Variants in SNX25 observed in about 807,000 individuals in gnomAD.
SNX25 encodes the protein sorting nexin 25, also known as sorting nexin-25.
A neutral mutation model predicts 113.7 loss-of-function variants in SNX25; 62 were observed. The observed-to-expected ratio is 0.55, with a 90% CI of 0.44 to 0.67. SNX25 has a LOEUF of 0.67. Among genes scored for constraint, SNX25 ranks in the 30% least tolerant of loss-of-function variants. SNX25 has a pLI of 0.00. For missense variants in SNX25, 1,014 were observed against 1,161.0 expected (o/e 0.87, Z 1.84); for synonymous variants, 421 against 436.2 (o/e 0.97, Z 0.43).
At chr4:185,285,168 A>G (rs1751171032) in intron 5 of SNX25, among the ~76,000 whole-genome samples, 1 of 152,208 alleles carries the variant, frequency 6.6e-6, no homozygotes, top group South Asian at 2.1e-4. Context: ...ATAGATACAT[A>G]TCTGCAATCA....
chr4:185,233,544 A>G (rs1742165894), intron 1 of SNX25, among the ~76,000 whole-genome samples: 1 of 152,108 alleles, frequency 6.6e-6, no homozygotes, highest in Admixed American at 6.5e-5. Context: ...GAAATGCAAA[A>G]ATTATTGTCA....
At chr4:185,249,622 CT>C (rs555434000) in intron 2 of SNX25, among the ~76,000 whole-genome samples, 60 of 152,062 alleles carry the variant, frequency 3.9e-4, no homozygotes, top group African/African-American at 1.3e-3. Flanking sequence ...ATTTACCAAT[CT>C]TTTTTTCCTC....
At chr4:185,362,797 T>A in intron 18 of SNX25, 86 bp downstream of exon 18, 1 of 932,848 alleles carries the variant, frequency 1.1e-6, no homozygotes, top group Non-Finnish European at 1.7e-6. Context: ...CCCCAGTGGC[T>A]GCAGCACTCT....
intron 6 of SNX25, among the ~76,000 whole-genome samples, chr4:185,296,215 A>T (rs1752816422): frequency 6.6e-6 from 1 of 152,122 alleles, no homozygotes; most frequent in Admixed American, 6.6e-5. Flanking sequence ...CCACCTGATA[A>T]TACTGTAGGG....
At chr4:185,265,281 T>C (rs370641480) in intron 4 of SNX25, among the ~76,000 whole-genome samples, 1 of 152,148 alleles carries the variant, frequency 6.6e-6, no homozygotes, top group Admixed American at 6.5e-5. Flanking sequence ...TATCATAGAG[T>C]GTACTTACAC....
intron 6 of SNX25, among the ~76,000 whole-genome samples, chr4:185,289,774 T>G (rs976581864): frequency 7.9e-5 from 12 of 152,216 alleles, no homozygotes; most frequent in Non-Finnish European, 1.8e-4. Context: ...TGTGCTGCCT[T>G]GCCACTGTAA....
chr4:185,353,645 TG>T (rs2095326166), intron 15 of SNX25, 43 bp downstream of exon 15: 1 of 1,434,344 alleles, frequency 7.0e-7, no homozygotes. Context: ...GCTAGTTAAG[TG>T]GTATATATAA....
chr4:185,337,048 G>T (rs1393950621), intron 10 of SNX25, among the ~76,000 whole-genome samples: 1 of 152,072 alleles, frequency 6.6e-6, no homozygotes, highest in Non-Finnish European at 1.5e-5. Context: ...GTTTTCTGTA[G>T]ATTCTGGATA....
At chr4:185,374,171 C>T (rs2095425439), downstream of SNX25, 2 of 1,613,990 alleles carry the variant, frequency 1.2e-6, no homozygotes, top group South Asian at 1.1e-5. Flanking sequence ...TTGAGTAATA[C>T]AGCCCGAGCA....
chr4:185,234,281 GA>G (rs1742293814), intron 1 of SNX25, among the ~76,000 whole-genome samples: 1 of 152,104 alleles, frequency 6.6e-6, no homozygotes, highest in Non-Finnish European at 1.5e-5. Context: ...GAAACATTAC[GA>G]AAGGAACCTG....
chr4:185,332,751 G>A lies in SNX25; in HGVS notation c.1906G>A (p.Asp636Asn), dbSNP rs572763222. The change falls in exon 10 of 19, where the codon GAC becomes AAC. Residue 636 changes from aspartate (D) to asparagine (N), a missense_variant. Coordinates refer to ENST00000652585, the MANE Select transcript of SNX25 (RefSeq NM_001378034.2). ...LNSIQNAPKP[D>N]KKIVSKLKDE... The stretch of plus-strand genomic sequence containing the variant: ...TTCTATTCAAAATGCACCAAAACCT[G>A]ACAAGAAGGTAACTCTTTGCTTTCA... The A allele has an allele frequency of 5.6e-6, 9 of 1,612,838 alleles. No individual in the cohort carries two copies. In the Admixed American group the frequency reaches 1.5e-4, roughly 27 times the overall value.
At chr4:185,268,587 A>G (rs1748473273) in intron 5 of SNX25, among the ~76,000 whole-genome samples, 1 of 152,212 alleles carries the variant, frequency 6.6e-6, no homozygotes, top group African/African-American at 2.4e-5. Flanking sequence ...TAATTTTGGT[A>G]AAACCCTGAT....
At chr4:185,324,126 T>C (rs1442907221) in intron 9 of SNX25, among the ~76,000 whole-genome samples, 1 of 152,112 alleles carries the variant, frequency 6.6e-6, no homozygotes, top group Non-Finnish European at 1.5e-5. Context: ...TCCTGAAAAG[T>C]GAGGGCAGAA....
At chr4:185,320,108 C>T (rs997199774) in intron 7 of SNX25, among the ~76,000 whole-genome samples, 1 of 152,190 alleles carries the variant, frequency 6.6e-6, no homozygotes, top group African/African-American at 2.4e-5. Context: ...CCATTTGACT[C>T]AGCAATCCCA....
chr4:185,323,834 T>G (rs1253684746), intron 9 of SNX25, 34 bp downstream of exon 9: 1 of 1,602,890 alleles, frequency 6.2e-7, no homozygotes, highest in East Asian at 2.2e-5. Context: ...TCCTTTTTAT[T>G]GGATAAGCTT....
chr4:185,290,809 T>C (rs1022904639), intron 6 of SNX25, among the ~76,000 whole-genome samples: 2 of 150,866 alleles, frequency 1.3e-5, no homozygotes, highest in Non-Finnish European at 3.0e-5. Context: ...TTTATTCAAG[T>C]GCGGAAGTTG....
downstream of SNX25, chr4:185,373,156 A>T: frequency 2.3e-6 from 3 of 1,322,316 alleles, no homozygotes; most frequent in Non-Finnish European, 3.2e-6. Context: ...ACAGAAAAGA[A>T]CTCTGTGTTT....
At chr4:185,291,198 G>T (rs1472742575) in intron 6 of SNX25, among the ~76,000 whole-genome samples, 1 of 152,134 alleles carries the variant, frequency 6.6e-6, no homozygotes, top group Non-Finnish European at 1.5e-5. Flanking sequence ...GGAGAAGAGG[G>T]TTAATTGTGG....
chr4:185,332,917 C>G (rs190899774), intron 10 of SNX25, among the ~76,000 whole-genome samples, 158 bp downstream of exon 10: 10 of 152,176 alleles, frequency 6.6e-5, no homozygotes, highest in Admixed American at 2.0e-4. Context: ...ATTAGAAAAG[C>G]ATTTGTTTTT....
Sources: allele counts gnomAD v4.1 joint callset (sites outside exome capture counted in the v4.1 genomes callset), GRCh38; gene constraint gnomAD v4.1.1; transcripts MANE v1.5; gene names NCBI Gene and HGNC (gene_info 2026-07-23, HGNC 2026-07-21).